Variants in BCAR3 observed in about 807,000 individuals in gnomAD.
BCAR3 encodes breast cancer anti-estrogen resistance protein 3.
In BCAR3, 37 loss-of-function variants were observed where a neutral mutation model predicts 80.1. That is an observed-to-expected ratio of 0.46 (90% confidence interval 0.36 to 0.61). The LOEUF (loss-of-function observed/expected upper bound fraction) is 0.61. Among genes scored for constraint, BCAR3 ranks in the 20% least tolerant of loss-of-function variants. The pLI, the probability that BCAR3 is intolerant of heterozygous loss-of-function variation, is 0.00. For synonymous variants in BCAR3, 389 were observed against 418.9 expected (o/e 0.93, Z 0.87); for missense variants, 978 against 1,068.2 (o/e 0.92, Z 1.18).
intron 1 of BCAR3, among the ~76,000 whole-genome samples, chr1:93,846,246 C>T (rs1289018285): frequency 2.0e-5 from 3 of 152,196 alleles, no homozygotes; most frequent in Admixed American, 2.0e-4. Context: ...TGAGGCCTGG[C>T]GATGCTGGGC....
At chr1:93,635,922 C>A (rs151146973) in intron 3 of BCAR3, among the ~76,000 whole-genome samples, 41 of 152,348 alleles carry the variant, frequency 2.7e-4, no homozygotes, top group Non-Finnish European at 5.1e-4. Flanking sequence ...TTAATTGTGA[C>A]CATGGCTGCA....
At chr1:93,700,130 GT>G (rs1649584449) in intron 3 of BCAR3, among the ~76,000 whole-genome samples, 1 of 152,198 alleles carries the variant, frequency 6.6e-6, no homozygotes, top group African/African-American at 2.4e-5. Context: ...GACTCCAGGA[GT>G]ATGCCAATTG....
intron 2 of BCAR3, 141 bp from the exon 3 acceptor site, chr1:93,642,484 T>A (rs1303025058): frequency 1.3e-6 from 1 of 766,824 alleles, no homozygotes; most frequent in African/African-American, 1.7e-5. Flanking sequence ...CACAACAGGG[T>A]GTGTGTGGTG....
intron 2 of BCAR3, among the ~76,000 whole-genome samples, chr1:93,806,328 G>C (rs1170697806): frequency 6.6e-6 from 1 of 152,212 alleles, no homozygotes; most frequent in Non-Finnish European, 1.5e-5. Flanking sequence ...CTTCATAGGA[G>C]AGTGATATAT....
chr1:93,700,753 A>G (rs544591228), intron 3 of BCAR3, among the ~76,000 whole-genome samples: 1 of 152,364 alleles, frequency 6.6e-6, no homozygotes, highest in Admixed American at 6.5e-5. Flanking sequence ...CCTGTGGAGA[A>G]CAAATGGACA....
chr1:93,788,162 C>G (rs11164995), intron 2 of BCAR3, among the ~76,000 whole-genome samples: 21,545 of 152,032 alleles, frequency 0.14, 2,493 homozygotes, highest in African/African-American at 0.31. Flanking sequence ...GTTTCTATTT[C>G]TGTGGAATGT....
rs145275506 is a variant in BCAR3, at chr1:93,829,133, C to T, written c.-63+16434G>A. ...AGAGGGTCTCCGGTCTGCAGTGGAA[C>T]GCAATTGGTTTTGTACAGGCTTGAG... On this transcript the variant is annotated intron_variant, in intron 2 of 13. Coordinates refer to the BCAR3 transcript ENST00000370244. 2.8e-3 allele frequency among the ~76,000 whole-genome samples: 432 copies of T among 152,160 alleles called. 9 individuals carry two copies. The South Asian group carries it at 0.058, about 20-fold the overall frequency.
chr1:93,811,322 C>G (rs550109360), intron 2 of BCAR3, among the ~76,000 whole-genome samples: 1 of 152,218 alleles, frequency 6.6e-6, no homozygotes, highest in Non-Finnish European at 1.5e-5. Context: ...AATGCTGTAG[C>G]AGGGAAGAAA....
At chr1:93,606,725 C>A (rs1674782428) in intron 3 of BCAR3, among the ~76,000 whole-genome samples, 1 of 152,088 alleles carries the variant, frequency 6.6e-6, no homozygotes, top group African/African-American at 2.4e-5. Flanking sequence ...CAACTTTCAC[C>A]AAACAGATGG....
intron 3 of BCAR3, among the ~76,000 whole-genome samples, chr1:93,694,946 A>G (rs549224528): frequency 5.3e-5 from 8 of 149,832 alleles, no homozygotes; most frequent in East Asian, 2.0e-4. Flanking sequence ...GCTCCACCTC[A>G]GCCTACACTC....
At chr1:93,797,980 T>C (rs1653341201) in intron 2 of BCAR3, among the ~76,000 whole-genome samples, 1 of 152,188 alleles carries the variant, frequency 6.6e-6, no homozygotes, top group African/African-American at 2.4e-5. Context: ...TGGGCAAAGG[T>C]AAATGCCCTT....
intron 2 of BCAR3, among the ~76,000 whole-genome samples, chr1:93,826,576 G>A (rs1654380027): frequency 6.6e-6 from 1 of 152,212 alleles, no homozygotes; most frequent in Non-Finnish European, 1.5e-5. Context: ...TGTGCAGGAA[G>A]TGATCCTCAT....
intron 2 of BCAR3, among the ~76,000 whole-genome samples, chr1:93,787,588 A>C (rs1652993992): frequency 6.6e-6 from 1 of 152,188 alleles, no homozygotes. Context: ...ATTCAAGCGC[A>C]GATTATTTAA....
At chr1:93,777,066 A>C (rs1652575582) in intron 2 of BCAR3, among the ~76,000 whole-genome samples, 1 of 152,122 alleles carries the variant, frequency 6.6e-6, no homozygotes, top group Non-Finnish European at 1.5e-5. Context: ...GTGACCATGG[A>C]GGCAGAGAAG....
At chr1:93,587,702 A>C (rs578136590) in intron 5 of BCAR3, among the ~76,000 whole-genome samples, 1,715 of 134,112 alleles carry the variant, frequency 0.013, 47 homozygotes, top group African/African-American at 0.049. Context: ...CCCCCCCGCC[A>C]AAAAAAAAAA....
intron 10 of BCAR3, 32 bp downstream of exon 10, chr1:93,567,708 T>C: frequency 6.3e-7 from 1 of 1,580,904 alleles, no homozygotes; most frequent in South Asian, 1.1e-5. Flanking sequence ...CCCAGCGGGG[T>C]AGCCCCATGC....
At chr1:93,789,084 C>T (rs990323087) in intron 2 of BCAR3, among the ~76,000 whole-genome samples, 2 of 152,122 alleles carry the variant, frequency 1.3e-5, no homozygotes, top group African/African-American at 4.8e-5. Flanking sequence ...TAACCTCTTA[C>T]TCCTGGGCTC....
chr1:93,598,133 C>T (rs1279978061), intron 3 of BCAR3, among the ~76,000 whole-genome samples: 1 of 152,170 alleles, frequency 6.6e-6, no homozygotes, highest in Non-Finnish European at 1.5e-5. Context: ...GAAGAAAAGC[C>T]ATTCTGGCAT....
intron 3 of BCAR3, chr1:93,594,486 G>A (rs904507498): frequency 1.3e-5 from 2 of 152,382 alleles, no homozygotes; most frequent in Non-Finnish European, 2.9e-5. Context: ...TGGCTGGGTG[G>A]AAGGTCTGAT....
Sources: gnomAD v4.1 joint callset for allele counts (sites outside exome capture counted in the v4.1 genomes callset) on GRCh38, gnomAD v4.1.1 for gene constraint, MANE v1.5 for transcripts, NCBI Gene and HGNC (gene_info 2026-07-23, HGNC 2026-07-21) for gene names.